Variants in HMGXB4 observed in about 807,000 individuals in gnomAD.
The protein encoded by HMGXB4 is HMG domain-containing protein 4.
HMGXB4 carries 27 observed loss-of-function variants against 63.9 expected under a neutral mutation model. The ratio of observed to expected loss-of-function variants is 0.42; its 90% CI spans 0.31 to 0.58. HMGXB4 has a LOEUF of 0.58. Among genes scored for constraint, HMGXB4 ranks in the 20% least tolerant of loss-of-function variants. The pLI, the probability that HMGXB4 is intolerant of heterozygous loss-of-function variation, is 0.13. For missense variants in HMGXB4, 624 were observed against 700.7 expected (o/e 0.89, Z 1.24); for synonymous variants, 264 against 265.3 (o/e 0.99, Z 0.05).
rs1923151622 is a variant in HMGXB4, at chr22:35,265,344, AAAAG to A, written c.959_962del (p.Lys320SerfsTer26). On this transcript the variant is annotated frameshift_variant, in exon 5 of 11. Coordinates refer to ENST00000216106, the MANE Select transcript of HMGXB4 (RefSeq NM_001003681.3). LOFTEE classifies it high-confidence loss of function. ...GATTCTTACCGAGAAATCAAGAAGA[AAAAG>A]AAGTCAAAGAAGAGCAAAAAGAAGA... is the stretch of plus-strand genomic sequence containing the variant. The A allele has an allele frequency of 1.2e-6, 2 of 1,614,050 alleles. No homozygotes were observed. The highest frequency in any genetic ancestry group is 1.7e-6 in the Non-Finnish European group (2 of 1,180,006).
At chr22:35,281,876 G>A (rs1924262253) in intron 5 of HMGXB4, among the ~76,000 whole-genome samples, 1 of 152,184 alleles carries the variant, frequency 6.6e-6, no homozygotes, top group African/African-American at 2.4e-5. Context: ...GGTGTTCTAG[G>A]AATGTTTCTA....
chr22:35,288,907 T>A (rs2145571384), intron 9 of HMGXB4, among the ~76,000 whole-genome samples: 1 of 152,216 alleles, frequency 6.6e-6, no homozygotes, highest in East Asian at 1.9e-4. Flanking sequence ...TTTGGGAGGC[T>A]GAGGCAGGCG....
intron 10 of HMGXB4, 147 bp from the exon 11 acceptor site, chr22:35,293,460 A>T (rs749329278): frequency 3.2e-6 from 2 of 628,850 alleles, no homozygotes; most frequent in Non-Finnish European, 5.6e-6. Flanking sequence ...AGTTCCTAGC[A>T]TAACAAACAG....
At chr22:35,252,638 C>A (rs1434604035), upstream of HMGXB4, among the ~76,000 whole-genome samples, 2 of 152,236 alleles carry the variant, frequency 1.3e-5, no homozygotes, top group Non-Finnish European at 2.9e-5. Flanking sequence ...TAAATAGGAG[C>A]TTTCTAGCTG....
chr22:35,243,531 A>ATTG, the HMGXB4 span, among the ~76,000 whole-genome samples: 2,080 of 150,988 alleles, frequency 0.014, 89 homozygotes, highest in East Asian at 0.17. Context: ...TTCTTTTTTT[A>ATTG]TTGTTGTTGT....
intron 1 of HMGXB4, among the ~76,000 whole-genome samples, chr22:35,259,426 C>T (rs1922696255): frequency 6.6e-6 from 1 of 152,210 alleles, no homozygotes; most frequent in Non-Finnish European, 1.5e-5. Flanking sequence ...CCTCCCTTTT[C>T]TAATGTGAAA....
chr22:35,265,581 A>G lies in HMGXB4; in HGVS notation c.1193A>G (p.Lys398Arg), dbSNP rs1422243059. 4.0e-6 allele frequency: 6 copies of G among 1,514,528 alleles called. No homozygotes were observed. The highest frequency in any genetic ancestry group is 3.7e-4 in the Middle Eastern group (2 of 5,338). The allele number at this position is 1,514,528 out of a possible 1,614,324, so 93.8% of individuals were successfully genotyped here. ...EKKKKKEEKD[K>R]ERERGEKPKK... ...AAAAAGAAAAAAGAAGAGAAGGACA[A>G]AGAGAGAGAGAGAGGAGAAAAGGTA... Residue 398 changes from lysine to arginine, a missense_variant, in exon 5 of 11, where the codon AAA becomes AGA. This residue lies in a region of HMGXB4 where 472 missense variants were observed against 470.6 expected (regional missense o/e 1.00). Transcript: ENST00000216106.
At chr22:35,260,920 C>A (rs754739883) in intron 1 of HMGXB4, among the ~76,000 whole-genome samples, 1 of 152,132 alleles carries the variant, frequency 6.6e-6, no homozygotes, top group African/African-American at 2.4e-5. Flanking sequence ...TCAGTATTGT[C>A]CACAGCTACC....
At chr22:35,251,770 C>A in the HMGXB4 span, among the ~76,000 whole-genome samples, 1 of 152,188 alleles carries the variant, frequency 6.6e-6, no homozygotes, top group South Asian at 2.1e-4. Flanking sequence ...AACTTGATGA[C>A]TGGGTCATAT....
chr22:35,290,392 T>C (rs1924854282), intron 9 of HMGXB4, among the ~76,000 whole-genome samples: 2 of 152,076 alleles, frequency 1.3e-5, no homozygotes, highest in South Asian at 4.1e-4. Context: ...ACGCCTGTAA[T>C]CCCAGCACTT....
At chr22:35,283,934 C>T (rs1396068955) in intron 5 of HMGXB4, 28 bp from the exon 6 acceptor site, 2 of 1,550,250 alleles carry the variant, frequency 1.3e-6, no homozygotes, top group Non-Finnish European at 1.8e-6. Context: ...TCAAGTCTTA[C>T]CCTGTTGTAT....
chr22:35,258,009 C>G (rs1372778489), intron 1 of HMGXB4: 1 of 152,318 alleles, frequency 6.6e-6, no homozygotes, highest in Middle Eastern at 3.4e-3. Context: ...GGCTCGTGGC[C>G]GCGGCCACGG....
At chr22:35,254,299 T>G (rs564601315), upstream of HMGXB4, among the ~76,000 whole-genome samples, 35 of 152,338 alleles carry the variant, frequency 2.3e-4, no homozygotes, top group Admixed American at 6.5e-4. Context: ...TGACTAGGCC[T>G]GCCCAGAGGG....
At chr22:35,259,331 T>G (rs185159979) in intron 1 of HMGXB4, among the ~76,000 whole-genome samples, 24 of 152,376 alleles carry the variant, frequency 1.6e-4, no homozygotes, top group Non-Finnish European at 3.1e-4. Context: ...TTGACAACAT[T>G]GAATTTTATA....
At position 35,264,942 on chromosome 22, in the gene HMGXB4, G is replaced by A. The variant is rs781162763; in HGVS notation, c.554G>A (p.Arg185Gln). 22 of 1,614,004 alleles carry A rather than the reference G, an allele frequency of 1.4e-5. No homozygotes were observed. Among genetic ancestry groups the A allele is most frequent in the African/African-American group, 4.0e-5 (3 of 74,896 alleles). Residue 185 changes from arginine to glutamine, a missense_variant, in exon 5 of 11, where the codon CGG (arginine) becomes CAG (glutamine). This residue lies in a region of HMGXB4 where 472 missense variants were observed against 470.6 expected (regional missense o/e 1.00). Transcript: ENST00000216106. ...LYVNTETLTL[R>Q]EPDGLKMKLI... is the part of the protein sequence containing the mutation. Reference sequence around the variant, plus strand: ...GTGAACACAGAGACACTGACCCTTCGGGAGCCTGATGGTTTAAAAATGAAA... The same window carrying A: ...GTGAACACAGAGACACTGACCCTTCAGGAGCCTGATGGTTTAAAAATGAAA...
chr22:35,285,859 G>T (rs1364436727), intron 6 of HMGXB4, 138 bp from the exon 7 acceptor site: 2 of 606,850 alleles, frequency 3.3e-6, no homozygotes, highest in African/African-American at 1.9e-5. Flanking sequence ...GATGGGATTG[G>T]GGTTGGTTTT....
intron 10 of HMGXB4, 142 bp from the exon 11 acceptor site, chr22:35,293,465 A>G (rs1377841369): frequency 1.6e-6 from 1 of 635,292 alleles, no homozygotes; most frequent in Non-Finnish European, 2.8e-6. Context: ...CTAGCATAAC[A>G]AACAGCAGGA....
chr22:35,262,344 G>C lies in HMGXB4; in HGVS notation c.-47G>C, dbSNP rs755101439. ...TCAGACCTGGTCCTGTAGACGGGAA[G>C]GAGCCTGGACACAGTGACACATTCT... On this transcript the variant is annotated 5_prime_UTR_variant, in exon 2 of 11. Coordinates refer to ENST00000216106, the MANE Select transcript of HMGXB4 (RefSeq NM_001003681.3). The C allele has an allele frequency of 6.3e-7, 1 of 1,596,844 alleles. No homozygotes were observed. Among genetic ancestry groups the C allele is most frequent in the Non-Finnish European group, 8.6e-7 (1 of 1,164,424 alleles).
chr22:35,246,360 C>T, the HMGXB4 span, among the ~76,000 whole-genome samples: 55 of 152,204 alleles, frequency 3.6e-4, no homozygotes, highest in African/African-American at 1.1e-3. Flanking sequence ...CTGCAAGCTC[C>T]GCCTCCCGGG....
Sources: gnomAD v4.1 joint callset for allele counts (sites outside exome capture counted in the v4.1 genomes callset) on GRCh38, gnomAD v4.1.1 for gene constraint, gnomAD v4.1.1 regional missense constraint, MANE v1.5 for transcripts, NCBI Gene and HGNC (gene_info 2026-07-23, HGNC 2026-07-21) for gene names.